TSPAN5: variants seen among roughly 807,000 people sequenced by gnomAD.
The protein encoded by TSPAN5 is tetraspanin-5.
A neutral mutation model predicts 37.1 loss-of-function variants in TSPAN5; 10 were observed. The ratio of observed to expected loss-of-function variants is 0.27; its 90% CI spans 0.17 to 0.46. The LOEUF is 0.46. TSPAN5 is among the 20% of genes least tolerant of loss of function. The pLI is 1.00. For synonymous variants in TSPAN5, 110 were observed against 118.9 expected (o/e 0.93, Z 0.48); for missense variants, 195 against 326.6 (o/e 0.60, Z 3.11).
chr4:98,500,634 A>G (rs1221367765), intron 2 of TSPAN5, among the ~76,000 whole-genome samples: 6 of 152,216 alleles, frequency 3.9e-5, no homozygotes, highest in Non-Finnish European at 5.9e-5. Flanking sequence ...CTTAAAGTTA[A>G]CTTGAGGGGA....
chr4:98,658,185 GCAA>G lies in TSPAN5; in HGVS notation c.39_41del (p.Cys14del). ...TGAAGCCAAATATGAAGTATTTGAT[GCAA>G]CAACTGACTTCAGGACCCTTGTAGT... On this transcript the variant is annotated inframe_deletion, in exon 1 of 8. Coordinates refer to ENST00000305798, the MANE Select transcript of TSPAN5 (RefSeq NM_005723.4). The G allele has an allele frequency of 6.2e-7, 1 of 1,614,178 alleles. No homozygotes were observed. The highest frequency in any genetic ancestry group is 8.5e-7 in the Non-Finnish European group (1 of 1,179,982).
At chr4:98,520,796 G>T (rs1327783477) in intron 1 of TSPAN5, among the ~76,000 whole-genome samples, 1 of 152,206 alleles carries the variant, frequency 6.6e-6, no homozygotes, top group Non-Finnish European at 1.5e-5. Context: ...TAACGCTGCA[G>T]TTATGGCTGT....
At chr4:98,588,351 G>A (rs1339801605) in intron 1 of TSPAN5, among the ~76,000 whole-genome samples, 7 of 151,264 alleles carry the variant, frequency 4.6e-5, no homozygotes, top group Middle Eastern at 6.8e-3. Flanking sequence ...CGTATGTTTC[G>A]CTAAGTAAAG....
chr4:98,553,263 T>A (rs1202359738), intron 1 of TSPAN5, among the ~76,000 whole-genome samples: 1 of 152,170 alleles, frequency 6.6e-6, no homozygotes, highest in African/African-American at 2.4e-5. Flanking sequence ...CACTTTAGCA[T>A]CAAACTAAAT....
intron 2 of TSPAN5, among the ~76,000 whole-genome samples, chr4:98,493,628 C>T (rs1177242183): frequency 3.3e-5 from 5 of 152,194 alleles, no homozygotes; most frequent in African/African-American, 7.2e-5. Flanking sequence ...AATTCCTCTA[C>T]ATATATCTTA....
chr4:98,623,150 A>G (rs1756520243), intron 1 of TSPAN5, among the ~76,000 whole-genome samples: 1 of 152,208 alleles, frequency 6.6e-6, no homozygotes, highest in Non-Finnish European at 1.5e-5. Context: ...GTAAGAGGTT[A>G]AACTACTTGA....
intron 1 of TSPAN5, among the ~76,000 whole-genome samples, chr4:98,603,147 T>C (rs1242667159): frequency 6.6e-6 from 1 of 152,218 alleles, no homozygotes; most frequent in African/African-American, 2.4e-5. Context: ...TTAGAACCCA[T>C]AGTAACAGTG....
intron 1 of TSPAN5, among the ~76,000 whole-genome samples, chr4:98,633,612 C>G (rs1756793561): frequency 6.6e-6 from 1 of 152,166 alleles, no homozygotes; most frequent in Non-Finnish European, 1.5e-5. Context: ...AGCACTCACC[C>G]TTTGAGAAAA....
At chr4:98,592,428 GTTTT>G (rs35941064) in intron 1 of TSPAN5, among the ~76,000 whole-genome samples, 6 of 119,098 alleles carry the variant, frequency 5.0e-5, no homozygotes, top group Admixed American at 8.8e-5. Flanking sequence ...TCTGTTTTTT[GTTTT>G]TTTTTTTTTT....
chr4:98,562,017 G>A (rs902371846), intron 1 of TSPAN5, among the ~76,000 whole-genome samples: 1 of 152,178 alleles, frequency 6.6e-6, no homozygotes, highest in African/African-American at 2.4e-5. Context: ...TCAAAAGTAG[G>A]CTCCATGATG....
At chr4:98,523,363 T>C (rs1317408985) in intron 1 of TSPAN5, among the ~76,000 whole-genome samples, 1 of 152,214 alleles carries the variant, frequency 6.6e-6, no homozygotes, top group East Asian at 1.9e-4. Flanking sequence ...TAAAAGCATG[T>C]GCTAGAGATC....
intron 1 of TSPAN5, among the ~76,000 whole-genome samples, chr4:98,556,336 G>T (rs958163874): frequency 9.2e-5 from 14 of 152,142 alleles, no homozygotes; most frequent in Admixed American, 8.5e-4. Context: ...TTTCAAACTT[G>T]CTCTGATGAT....
intron 1 of TSPAN5, among the ~76,000 whole-genome samples, chr4:98,515,236 T>C (rs1753702680): frequency 6.6e-6 from 1 of 152,158 alleles, no homozygotes; most frequent in Admixed American, 6.5e-5. Context: ...ACTGGAGGGT[T>C]TCTTGACTTC....
chr4:98,614,163 G>A (rs968783928), intron 1 of TSPAN5, among the ~76,000 whole-genome samples: 3 of 152,138 alleles, frequency 2.0e-5, no homozygotes, highest in Admixed American at 2.0e-4. Context: ...AAAGTCATTT[G>A]GTGTTATTCA....
chr4:98,523,460 A>T (rs907875922), intron 1 of TSPAN5, among the ~76,000 whole-genome samples: 1 of 152,146 alleles, frequency 6.6e-6, no homozygotes, highest in Non-Finnish European at 1.5e-5. Flanking sequence ...TTTGAGACAG[A>T]GTCTCCGTCT....
intron 3 of TSPAN5, chr4:98,484,511 AT>A (rs1560507618): frequency 2.0e-5 from 9 of 455,896 alleles, no homozygotes; most frequent in Admixed American, 7.1e-5. Flanking sequence ...AATTCTCTTC[AT>A]TTCCAACATG....
chr4:98,639,886 A>G (rs1291253112), intron 1 of TSPAN5, among the ~76,000 whole-genome samples: 2 of 152,212 alleles, frequency 1.3e-5, no homozygotes, highest in African/African-American at 4.8e-5. Context: ...AAGAAAAACC[A>G]TTTATGACAG....
At chr4:98,497,760 A>G (rs1753248128) in intron 2 of TSPAN5, among the ~76,000 whole-genome samples, 1 of 152,158 alleles carries the variant, frequency 6.6e-6, no homozygotes, top group East Asian at 1.9e-4. Flanking sequence ...AGCTGAGTCT[A>G]GAGGGGAGAC....
chr4:98,624,541 A>AGAG (rs1756550958), intron 1 of TSPAN5, among the ~76,000 whole-genome samples: 1 of 152,166 alleles, frequency 6.6e-6, no homozygotes, highest in Non-Finnish European at 1.5e-5. Context: ...TTTGTTTTGT[A>AGAG]GAGGAGGTGT....
Sources: gnomAD v4.1 joint callset for allele counts (sites outside exome capture counted in the v4.1 genomes callset) on GRCh38, gnomAD v4.1.1 for gene constraint, MANE v1.5 for transcripts, NCBI Gene and HGNC (gene_info 2026-07-23, HGNC 2026-07-21) for gene names.